KAT6B: variants seen among roughly 807,000 people sequenced by gnomAD.
The protein encoded by KAT6B is lysine acetyltransferase 6B, also known as histone acetyltransferase KAT6B.
A neutral mutation model predicts 187.5 loss-of-function variants in KAT6B; 10 were observed. That is an observed-to-expected ratio of 0.05 (90% confidence interval 0.03 to 0.09). The LOEUF is 0.09. KAT6B is among the 10% of genes least tolerant of loss of function. The pLI is 1.00. For synonymous variants in KAT6B, 861 were observed against 926.8 expected (o/e 0.93, Z 1.29); for missense variants, 1,952 against 2,558.9 (o/e 0.76, Z 5.12).
At chr10:74,839,509 G>A (rs1841569834) in intron 2 of KAT6B, among the ~76,000 whole-genome samples, 1 of 152,086 alleles carries the variant, frequency 6.6e-6, no homozygotes, top group African/African-American at 2.4e-5. Context: ...TGGGATTACG[G>A]GTGTGAGCCA....
intron 10 of KAT6B, among the ~76,000 whole-genome samples, chr10:74,981,343 C>CCTTCCTTCCTTTCTTCCTTTCT (rs1564603738): frequency 1.9e-4 from 27 of 141,630 alleles, no homozygotes; most frequent in African/African-American, 7.4e-4. Flanking sequence ...TCCTTCCTTT[C>CCTTCCTTCCTTTCTTCCTTTCT]TTCCTTTCTT....
intron 1 of KAT6B, among the ~76,000 whole-genome samples, chr10:74,828,832 G>T (rs1482725022): frequency 6.6e-6 from 1 of 152,006 alleles, no homozygotes; most frequent in Non-Finnish European, 1.5e-5. Flanking sequence ...CTCCCAAAGT[G>T]CTGGGATTAC....
intron 3 of KAT6B, among the ~76,000 whole-genome samples, chr10:74,879,052 A>G (rs989279354): frequency 2.0e-5 from 3 of 152,214 alleles, no homozygotes; most frequent in Non-Finnish European, 4.4e-5. Context: ...GCTTGAGCTG[A>G]GCCGTACAAC....
At chr10:74,979,139 A>C (rs375707562) in intron 9 of KAT6B, 85 bp from the exon 10 acceptor site, 148 of 863,708 alleles carry the variant, frequency 1.7e-4, no homozygotes, top group Non-Finnish European at 2.6e-4. Flanking sequence ...TCTGATCTTG[A>C]TAAGTTTTGA....
chr10:75,009,146 A>G (rs1470823678), intron 13 of KAT6B, among the ~76,000 whole-genome samples: 1 of 152,218 alleles, frequency 6.6e-6, no homozygotes, highest in Non-Finnish European at 1.5e-5. Flanking sequence ...TTGCAGTGTG[A>G]TTGATTCCTT....
chr10:74,885,767 C>T (rs1845202457), intron 3 of KAT6B, among the ~76,000 whole-genome samples: 2 of 147,860 alleles, frequency 1.4e-5, no homozygotes, highest in South Asian at 2.2e-4. Flanking sequence ...GAGTCTTGCT[C>T]TGTCACCAGG....
At chr10:74,836,579 G>C (rs1841326988) in intron 1 of KAT6B, among the ~76,000 whole-genome samples, 2 of 152,156 alleles carry the variant, frequency 1.3e-5, no homozygotes, top group Admixed American at 6.5e-5. Context: ...CTGAAGCATT[G>C]ATTTCAGAGG....
At chr10:74,946,136 T>G (rs1055876391) in intron 3 of KAT6B, among the ~76,000 whole-genome samples, 1 of 152,232 alleles carries the variant, frequency 6.6e-6, no homozygotes, top group African/African-American at 2.4e-5. Flanking sequence ...TATTCAGATT[T>G]TCTGTTTCTT....
intron 3 of KAT6B, among the ~76,000 whole-genome samples, chr10:74,924,456 C>T (rs1848350297): frequency 6.6e-6 from 1 of 152,114 alleles, no homozygotes; most frequent in African/African-American, 2.4e-5. Context: ...TAAACATCAA[C>T]GGGAGTGGTG....
Position 75,029,076 on chromosome 10 carries a change from C to T in KAT6B, c.4252C>T (p.Pro1418Ser), listed in dbSNP as rs780199206. The change falls in exon 18 of 18, where the codon CCA becomes TCA. Residue 1418 changes from proline (P) to serine (S), a missense_variant. By Grantham distance (74) the Pro-to-Ser change is moderately conservative (BLOSUM62 -1). Coordinates refer to ENST00000287239, the MANE Select transcript of KAT6B (RefSeq NM_012330.4). This position sits in a 1 kb window ranked among gnomAD's most constrained non-coding sequence, Gnocchi z 6.2. ...HEEEEEEDEE[P>S]SHNEDHDADD... ...AGAGGAGGAGGAAGAGGATGAAGAG[C>T]CATCCCACAACGAGGACCATGATGC... 16 of 1,614,000 alleles carry T rather than the reference C, an allele frequency of 9.9e-6. No individual in the cohort carries two copies. Among genetic ancestry groups the T allele is most frequent in the Non-Finnish European group, 1.4e-5 (16 of 1,180,018 alleles).
At chr10:74,908,976 A>G (rs945120479) in intron 3 of KAT6B, among the ~76,000 whole-genome samples, 7 of 152,210 alleles carry the variant, frequency 4.6e-5, no homozygotes, top group Admixed American at 2.6e-4. Flanking sequence ...TCTTAATTAG[A>G]GTATCCACAA....
rs1846112690 is a variant in KAT6B, at chr10:75,029,094, C to G, written c.4270C>G (p.His1424Asp). Residue 1424 changes from histidine to aspartate, a missense_variant, in exon 18 of 18, where the codon CAT (histidine) becomes GAT (aspartate). Around this residue, in one of 9 missense-constraint regions of KAT6B, gnomAD observed 758 missense variants for 891.4 expected, o/e 0.85. Transcript: ENST00000287239. This position sits in a 1 kb window ranked among gnomAD's most constrained non-coding sequence, Gnocchi z 6.2. ...EDEEPSHNED[H>D]DADDEDDSHM... ...TGAAGAGCCATCCCACAACGAGGACCATGATGCCGATGACGAGGATGACAG... is the reference window on the plus strand; with the variant it reads ...TGAAGAGCCATCCCACAACGAGGACGATGATGCCGATGACGAGGATGACAG... 1.9e-6 allele frequency: 3 copies of G among 1,614,132 alleles called. No individual in the cohort carries two copies. The East Asian group carries it at 6.7e-5, about 36-fold the overall frequency.
chr10:74,900,502 G>A (rs895648902), intron 3 of KAT6B, among the ~76,000 whole-genome samples: 3 of 152,240 alleles, frequency 2.0e-5, no homozygotes, highest in Admixed American at 1.3e-4. Flanking sequence ...CTTCTGCCAG[G>A]TGGGCAACCC....
At chr10:74,978,910 G>A (rs1349603063) in intron 9 of KAT6B, among the ~76,000 whole-genome samples, 1 of 152,136 alleles carries the variant, frequency 6.6e-6, no homozygotes, top group Non-Finnish European at 1.5e-5. Context: ...ATCGACATTT[G>A]TATGTATTTA....
Position 75,030,879 on chromosome 10 carries a change from T to C in KAT6B, c.6055T>C (p.Tyr2019His). The change falls in exon 18 of 18, where the codon TAC (tyrosine) becomes CAC (histidine). Residue 2019 changes from tyrosine (Y) to histidine (H), a missense_variant. Coordinates refer to ENST00000287239, the MANE Select transcript of KAT6B (RefSeq NM_012330.4). This position sits in a 1 kb window ranked among gnomAD's most constrained non-coding sequence, Gnocchi z 4.8. Reference sequence around the variant, plus strand: ...TGGCTATATGAATCAAACGCCCCAATACCCTATGCAGATGCAGATGGGCAT... The same window carrying C: ...TGGCTATATGAATCAAACGCCCCAACACCCTATGCAGATGCAGATGGGCAT... ...NHGYMNQTPQ[Y>H]PMQMQMGMMG... 1.2e-6 allele frequency: 2 copies of C among 1,614,038 alleles called. No homozygotes were observed. The highest frequency in any genetic ancestry group is 3.3e-4 in the Middle Eastern group (2 of 6,062).
At chr10:74,945,173 A>G (rs1343403890) in intron 3 of KAT6B, among the ~76,000 whole-genome samples, 1 of 152,246 alleles carries the variant, frequency 6.6e-6, no homozygotes, top group African/African-American at 2.4e-5. Context: ...TCATAAAATG[A>G]GGCACTGAGT....
At chr10:74,872,292 T>C (rs1267807379) in intron 3 of KAT6B, among the ~76,000 whole-genome samples, 1 of 152,134 alleles carries the variant, frequency 6.6e-6, no homozygotes, top group African/African-American at 2.4e-5. Context: ...GGTATAGAGG[T>C]TGCATGACAA....
At chr10:74,867,444 A>C (rs1843630691) in intron 3 of KAT6B, among the ~76,000 whole-genome samples, 1 of 152,076 alleles carries the variant, frequency 6.6e-6, no homozygotes, top group Non-Finnish European at 1.5e-5. Context: ...CCAGTACAAG[A>C]CTCAATTGAA....
chr10:74,972,467 G>T (rs1038794641), intron 6 of KAT6B, 40 bp from the exon 7 acceptor site: 8 of 1,388,688 alleles, frequency 5.8e-6, no homozygotes, highest in Non-Finnish European at 8.0e-6. Context: ...CTCTTAAAAT[G>T]AAACATTAAA....
Sources: gnomAD v4.1 joint callset for allele counts (sites outside exome capture counted in the v4.1 genomes callset) on GRCh38, gnomAD v4.1.1 for gene constraint, gnomAD v4.1.1 regional missense constraint, Gnocchi (gnomAD v3.1) non-coding constraint, MANE v1.5 for transcripts, NCBI Gene and HGNC (gene_info 2026-07-23, HGNC 2026-07-21) for gene names.